ZNF385D: variants seen among roughly 807,000 people sequenced by gnomAD.
ZNF385D encodes zinc finger protein 659.
Under a neutral mutation model 35.8 loss-of-function variants are expected in ZNF385D, and 15 were observed. That is an observed-to-expected ratio of 0.42 (90% CI 0.28 to 0.64). The LOEUF (loss-of-function observed/expected upper bound fraction) is 0.64, where lower values mean the gene tolerates loss of function less well. ZNF385D is among the 30% of genes least tolerant of loss of function. The pLI is 0.23. For missense variants in ZNF385D, 474 were observed against 494.6 expected, an observed-to-expected ratio of 0.96 and a Z score of 0.39; for synonymous variants, 212 against 186.8, an observed-to-expected ratio of 1.13 and a Z score of -1.10.
At chr3:21,809,115 T>A (rs775062164) in intron 3 of ZNF385D, among the ~76,000 whole-genome samples, 2 of 152,080 alleles carry the variant, frequency 1.3e-5, no homozygotes, top group Non-Finnish European at 2.9e-5. Flanking sequence ...GAGAAAAGAT[T>A]CTCAAAAACA....
At chr3:22,278,760 G>T (rs1051029045) in intron 2 of ZNF385D, among the ~76,000 whole-genome samples, 2 of 152,138 alleles carry the variant, frequency 1.3e-5, no homozygotes, top group African/African-American at 2.4e-5. Context: ...TACTTAAAAA[G>T]ATGCAATTGA....
At chr3:22,190,370 G>T (rs2125223542) in intron 2 of ZNF385D, among the ~76,000 whole-genome samples, 1 of 152,260 alleles carries the variant, frequency 6.6e-6, no homozygotes, top group African/African-American at 2.4e-5. Flanking sequence ...TAGTAAATAG[G>T]TTTTGTTGCA....
chr3:21,915,426 A>G (rs1700147808), intron 3 of ZNF385D, among the ~76,000 whole-genome samples: 1 of 152,178 alleles, frequency 6.6e-6, no homozygotes, highest in Non-Finnish European at 1.5e-5. Context: ...CTTTGGAAGT[A>G]CTATCATGCC....
intron 2 of ZNF385D, among the ~76,000 whole-genome samples, chr3:22,356,573 T>C (rs1363378123): frequency 6.6e-6 from 1 of 151,976 alleles, no homozygotes; most frequent in African/African-American, 2.4e-5. Context: ...TGATCATCTT[T>C]ACAGCTAAGA....
intron 3 of ZNF385D, among the ~76,000 whole-genome samples, chr3:21,779,452 T>C (rs2071411033): frequency 6.6e-6 from 1 of 151,934 alleles, no homozygotes; most frequent in African/African-American, 2.4e-5. Flanking sequence ...TTTATATAAA[T>C]TGTATGGCCA....
At chr3:21,447,602 T>A (rs1702220751) in intron 4 of ZNF385D, among the ~76,000 whole-genome samples, 1 of 152,182 alleles carries the variant, frequency 6.6e-6, no homozygotes. Context: ...TGCCTTAGGT[T>A]AAAAGTAAGG....
chr3:22,188,918 T>C (rs1695831617), intron 2 of ZNF385D, among the ~76,000 whole-genome samples: 1 of 152,150 alleles, frequency 6.6e-6, no homozygotes. Flanking sequence ...TAAAAATAAA[T>C]ATCCAAATGG....
At chr3:22,291,455 CT>C (rs1454350985) in intron 2 of ZNF385D, among the ~76,000 whole-genome samples, 1 of 151,892 alleles carries the variant, frequency 6.6e-6, no homozygotes, top group Non-Finnish European at 1.5e-5. Flanking sequence ...GAAAAATTTT[CT>C]GTTTAATTTT....
At chr3:21,850,773 G>T (rs911598276) in intron 3 of ZNF385D, among the ~76,000 whole-genome samples, 2 of 152,162 alleles carry the variant, frequency 1.3e-5, no homozygotes, top group East Asian at 3.9e-4. Flanking sequence ...TGCCTTAAAA[G>T]AAAGAATAAA....
chr3:21,761,552 A>C (rs2070608273), intron 3 of ZNF385D, among the ~76,000 whole-genome samples: 1 of 152,180 alleles, frequency 6.6e-6, no homozygotes, highest in South Asian at 2.1e-4. Flanking sequence ...GAATGAGTGA[A>C]GGTCATCAAT....
intron 3 of ZNF385D, among the ~76,000 whole-genome samples, chr3:21,775,513 T>C (rs1273499251): frequency 2.0e-5 from 3 of 151,956 alleles, no homozygotes; most frequent in Admixed American, 2.0e-4. Flanking sequence ...TCAGTGAACC[T>C]ATTTACAGCT....
At chr3:21,829,980 T>A (rs557089852) in intron 3 of ZNF385D, among the ~76,000 whole-genome samples, 5 of 151,976 alleles carry the variant, frequency 3.3e-5, no homozygotes, top group Middle Eastern at 3.4e-3. Context: ...AAAAATTAGC[T>A]GTGCCTGATG....
intron 3 of ZNF385D, among the ~76,000 whole-genome samples, chr3:22,100,053 A>G (rs1308359191): frequency 5.3e-5 from 8 of 151,720 alleles, no homozygotes; most frequent in Non-Finnish European, 8.8e-5. Context: ...AAAAGAAGGC[A>G]TTTATGCAGC....
At chr3:21,827,175 T>C (rs530691523) in intron 3 of ZNF385D, among the ~76,000 whole-genome samples, 1 of 152,212 alleles carries the variant, frequency 6.6e-6, no homozygotes, top group East Asian at 1.9e-4. Context: ...CAATATTTCT[T>C]AGCTTCTTTT....
intron 2 of ZNF385D, among the ~76,000 whole-genome samples, chr3:22,231,781 T>A (rs1370628016): frequency 6.6e-6 from 1 of 152,056 alleles, no homozygotes; most frequent in Non-Finnish European, 1.5e-5. Flanking sequence ...TAATTCCCAA[T>A]GTTGAAGGTG....
chr3:21,906,879 C>G (rs1469917218), intron 3 of ZNF385D, among the ~76,000 whole-genome samples: 1 of 152,150 alleles, frequency 6.6e-6, no homozygotes, highest in Non-Finnish European at 1.5e-5. Flanking sequence ...AGCTTCTGTA[C>G]TCTTCAAAGT....
intron 3 of ZNF385D, among the ~76,000 whole-genome samples, chr3:21,832,726 CT>C (rs1262186364): frequency 6.6e-6 from 1 of 152,174 alleles, no homozygotes; most frequent in Non-Finnish European, 1.5e-5. Context: ...GAAACTGTCA[CT>C]GTTTCACAAG....
chr3:21,922,883 A>G (rs1304347666), intron 3 of ZNF385D, among the ~76,000 whole-genome samples: 1 of 152,192 alleles, frequency 6.6e-6, no homozygotes, highest in African/African-American at 2.4e-5. Flanking sequence ...CAAGCTACAC[A>G]TCTGACCAAG....
intron 4 of ZNF385D, among the ~76,000 whole-genome samples, chr3:21,496,802 A>G (rs1379414317): frequency 6.6e-6 from 1 of 152,064 alleles, no homozygotes; most frequent in African/African-American, 2.4e-5. Flanking sequence ...ACAAAACTGC[A>G]TGATTATTTT....
Sources: allele counts gnomAD v4.1 joint callset (sites outside exome capture counted in the v4.1 genomes callset), GRCh38; gene constraint gnomAD v4.1.1; transcripts MANE v1.5; gene names NCBI Gene and HGNC (gene_info 2026-07-23, HGNC 2026-07-21).